The following PIK3C2G variants were observed in gnomAD, a reference collection of about 807,000 sequenced individuals.
PIK3C2G encodes the protein phosphatidylinositol 3-kinase C2 domain-containing subunit gamma.
A neutral mutation model predicts 181.1 loss-of-function variants in PIK3C2G; 168 were observed. That is an observed-to-expected ratio of 0.93 (90% CI 0.82 to 1.05). The LOEUF (loss-of-function observed/expected upper bound fraction) is 1.05. Among genes scored for constraint, PIK3C2G ranks in the 50% least tolerant of loss-of-function variants. The pLI is 0.00. For synonymous variants in PIK3C2G, 573 were observed against 592.2 expected (o/e 0.97, Z 0.47); for missense variants, 1,869 against 1,732.8 (o/e 1.08, Z -1.40).
At chr12:18,303,017 C>A (rs935113178) in intron 5 of PIK3C2G, among the ~76,000 whole-genome samples, 1 of 152,120 alleles carries the variant, frequency 6.6e-6, no homozygotes, top group Admixed American at 6.5e-5. Flanking sequence ...TCCTCAGACC[C>A]CCCAGTGGTA....
the PIK3C2G span, among the ~76,000 whole-genome samples, chr12:18,711,279 C>G: frequency 6.8e-6 from 1 of 148,078 alleles, no homozygotes; most frequent in Non-Finnish European, 1.5e-5. Context: ...CAAACTATCG[C>G]AAGGACAAAA....
At chr12:18,525,943 A>G (rs1296692219) in intron 24 of PIK3C2G, among the ~76,000 whole-genome samples, 1 of 152,214 alleles carries the variant, frequency 6.6e-6, no homozygotes, top group African/African-American at 2.4e-5. Context: ...TTATCCCAAT[A>G]GACAACAAAT....
At chr12:18,379,014 G>A (rs1473204870) in intron 13 of PIK3C2G, among the ~76,000 whole-genome samples, 1 of 152,068 alleles carries the variant, frequency 6.6e-6, no homozygotes, top group Non-Finnish European at 1.5e-5. Context: ...CCATTACTGG[G>A]TATATACCCA....
At chr12:18,508,278 T>A (rs959307933) in intron 24 of PIK3C2G, among the ~76,000 whole-genome samples, 4 of 152,276 alleles carry the variant, frequency 2.6e-5, no homozygotes, top group African/African-American at 9.6e-5. Flanking sequence ...CTGATACATT[T>A]GCTCTAAGTT....
the PIK3C2G span, chr12:18,696,318 G>T: frequency 5.9e-6 from 2 of 340,754 alleles, no homozygotes; most frequent in Non-Finnish European, 9.8e-6. Flanking sequence ...AATTTAAAAA[G>T]CCACTATATA....
At chr12:18,708,865 T>C in the PIK3C2G span, among the ~76,000 whole-genome samples, 2 of 152,276 alleles carry the variant, frequency 1.3e-5, no homozygotes, top group African/African-American at 4.8e-5. Flanking sequence ...AAGTTTTTTT[T>C]CCACTAATGA....
At chr12:18,691,601 A>G in the PIK3C2G span, among the ~76,000 whole-genome samples, 29 of 152,302 alleles carry the variant, frequency 1.9e-4, no homozygotes, top group Admixed American at 1.5e-3. Flanking sequence ...GTCCCAGAGC[A>G]TAGAAGAGCA....
intron 18 of PIK3C2G, among the ~76,000 whole-genome samples, chr12:18,436,135 T>A (rs1481144661): frequency 6.6e-6 from 1 of 152,100 alleles, no homozygotes; most frequent in African/African-American, 2.4e-5. Flanking sequence ...TGCTGTGCCA[T>A]CCTCACCATG....
intron 16 of PIK3C2G, among the ~76,000 whole-genome samples, chr12:18,412,877 T>C (rs541880827): frequency 6.6e-6 from 1 of 152,282 alleles, no homozygotes; most frequent in Admixed American, 6.5e-5. Context: ...TGCTCTTCCT[T>C]CCCTGCACGT....
At chr12:18,364,085 T>C (rs550445603) in intron 12 of PIK3C2G, among the ~76,000 whole-genome samples, 108 of 152,348 alleles carry the variant, frequency 7.1e-4, no homozygotes, top group African/African-American at 2.6e-3. Context: ...AGGCCTTTTG[T>C]AGTGTGGCCC....
intron 29 of PIK3C2G, among the ~76,000 whole-genome samples, chr12:18,589,810 A>G (rs1759814695): frequency 6.6e-6 from 1 of 151,952 alleles, no homozygotes; most frequent in African/African-American, 2.4e-5. Context: ...ACAATGCTCC[A>G]TTTTCATCTT....
the PIK3C2G span, among the ~76,000 whole-genome samples, chr12:18,712,321 G>T: frequency 6.6e-6 from 1 of 152,096 alleles, no homozygotes; most frequent in African/African-American, 2.4e-5. Flanking sequence ...CATAAACTGA[G>T]CTCAAATTCT....
the PIK3C2G span, among the ~76,000 whole-genome samples, chr12:18,719,969 G>A: frequency 4.6e-5 from 7 of 152,030 alleles, no homozygotes; most frequent in African/African-American, 1.7e-4. Flanking sequence ...GAGGAACAAA[G>A]CATTGCAGTG....
intron 18 of PIK3C2G, among the ~76,000 whole-genome samples, chr12:18,448,931 A>C (rs1447511083): frequency 6.6e-6 from 1 of 152,018 alleles, no homozygotes; most frequent in Non-Finnish European, 1.5e-5. Flanking sequence ...TATTATGAAT[A>C]AGGCTGCAAT....
At chr12:18,501,499 G>A (rs1000637680) in intron 22 of PIK3C2G, among the ~76,000 whole-genome samples, 4 of 151,884 alleles carry the variant, frequency 2.6e-5, no homozygotes. Context: ...ATTTGACTGG[G>A]GACACAGCTA....
intron 8 of PIK3C2G, 101 bp from the exon 9 acceptor site, chr12:18,338,325 A>G: frequency 1.1e-6 from 1 of 898,166 alleles, no homozygotes; most frequent in South Asian, 1.8e-5. Flanking sequence ...AGCATATTTT[A>G]TTCCACTTGC....
intron 18 of PIK3C2G, among the ~76,000 whole-genome samples, chr12:18,481,874 C>A (rs1180629125): frequency 6.6e-6 from 1 of 152,114 alleles, no homozygotes; most frequent in Non-Finnish European, 1.5e-5. Flanking sequence ...ACCTGCAATG[C>A]AATCAGGACA....
rs114535831 is a variant in PIK3C2G at position 18,626,024 on chromosome 12, G to C, written c.4183-14405G>C. The stretch of plus-strand genomic sequence containing the variant: ...TTTAATACATTTACATTCAAAGTAA[G>C]TATTGACAGGTAAAGACTTACTAGT... On this transcript the variant is annotated intron_variant, in intron 31 of 32. Coordinates refer to ENST00000538779, the MANE Select transcript of PIK3C2G (RefSeq NM_001288772.2). 7.1e-3 allele frequency among the ~76,000 whole-genome samples: 1,076 copies of C among 151,900 alleles called. 10 individuals carry two copies. Among genetic ancestry groups the C allele is most frequent in the African/African-American group, 0.025 (1,029 of 41,510 alleles).
At chr12:18,475,387 C>CACAG (rs1457720498) in intron 18 of PIK3C2G, among the ~76,000 whole-genome samples, 3 of 150,934 alleles carry the variant, frequency 2.0e-5, no homozygotes, top group Non-Finnish European at 4.4e-5. Flanking sequence ...CACACACACA[C>CACAG]ACACACACAC....
Sources: allele counts gnomAD v4.1 joint callset (sites outside exome capture counted in the v4.1 genomes callset), GRCh38; gene constraint gnomAD v4.1.1; transcripts MANE v1.5; gene names NCBI Gene and HGNC (gene_info 2026-07-23, HGNC 2026-07-21).